SLC35F3: variants seen among roughly 807,000 people sequenced by gnomAD.
SLC35F3 encodes the protein solute carrier family 35 member F3.
In SLC35F3, 25 loss-of-function variants were observed where a neutral mutation model predicts 49.9. The observed-to-expected ratio is 0.50, with a 90% CI of 0.37 to 0.70. The LOEUF (loss-of-function observed/expected upper bound fraction) is 0.70. Ranked by LOEUF, SLC35F3 falls within the 30% of genes least tolerant of loss-of-function variation. The pLI is 0.00. For missense variants in SLC35F3, 525 were observed against 639.8 expected (o/e 0.82, Z 1.94); for synonymous variants, 275 against 265.4 (o/e 1.04, Z -0.35).
intron 2 of SLC35F3, among the ~76,000 whole-genome samples, chr1:234,117,908 A>C (rs1221393312): frequency 1.1e-5 from 1 of 89,924 alleles, no homozygotes; most frequent in Non-Finnish European, 2.1e-5. Context: ...AAAAAAGACT[A>C]TATATGTGTG....
intron 2 of SLC35F3, among the ~76,000 whole-genome samples, chr1:233,986,758 T>G (rs1663272084): frequency 6.6e-6 from 1 of 152,208 alleles, no homozygotes; most frequent in Non-Finnish European, 1.5e-5. Flanking sequence ...ACCATCTAGA[T>G]CATCTATTTC....
At chr1:234,028,891 G>A (rs1664016805) in intron 2 of SLC35F3, among the ~76,000 whole-genome samples, 2 of 152,176 alleles carry the variant, frequency 1.3e-5, no homozygotes. Flanking sequence ...TGGACAAGCT[G>A]CCATAGAGGG....
chr1:233,984,585 A>G (rs1332751992), intron 2 of SLC35F3, among the ~76,000 whole-genome samples: 1 of 152,246 alleles, frequency 6.6e-6, no homozygotes, highest in Non-Finnish European at 1.5e-5. Flanking sequence ...GGTAGACTCA[A>G]AGATTTTCTG....
At chr1:234,230,371 G>C (rs550085473) in intron 2 of SLC35F3, among the ~76,000 whole-genome samples, 4 of 152,072 alleles carry the variant, frequency 2.6e-5, no homozygotes, top group South Asian at 4.1e-4. Context: ...AAGCACGTTT[G>C]ACCCCAATAT....
At chr1:234,192,792 A>G (rs1450458823) in intron 2 of SLC35F3, among the ~76,000 whole-genome samples, 1 of 152,234 alleles carries the variant, frequency 6.6e-6, no homozygotes, top group African/African-American at 2.4e-5. Context: ...TGTGCTATAC[A>G]CCAACAGCGA....
chr1:234,033,007 C>T (rs1664085964), intron 2 of SLC35F3, among the ~76,000 whole-genome samples: 1 of 152,030 alleles, frequency 6.6e-6, no homozygotes, highest in South Asian at 2.1e-4. Context: ...TCCCTTTTCA[C>T]CACATTCATG....
intron 2 of SLC35F3, among the ~76,000 whole-genome samples, chr1:233,921,318 A>G (rs1265215249): frequency 6.6e-6 from 1 of 152,168 alleles, no homozygotes; most frequent in East Asian, 1.9e-4. Context: ...ACACATGCAC[A>G]GTCTCCCCCA....
At chr1:233,910,261 G>A (rs908633916) in intron 2 of SLC35F3, among the ~76,000 whole-genome samples, 8 of 152,210 alleles carry the variant, frequency 5.3e-5, no homozygotes, top group African/African-American at 9.6e-5. Context: ...GAGATGGCTA[G>A]AGAAGGGATG....
chr1:234,242,892 A>G (rs1014590188), intron 3 of SLC35F3, among the ~76,000 whole-genome samples: 3 of 152,232 alleles, frequency 2.0e-5, no homozygotes, highest in African/African-American at 7.2e-5. Flanking sequence ...GAAACACTAG[A>G]TAGCATTATT....
At chr1:234,271,971 C>T (rs1668114571) in intron 3 of SLC35F3, among the ~76,000 whole-genome samples, 1 of 152,166 alleles carries the variant, frequency 6.6e-6, no homozygotes, top group Non-Finnish European at 1.5e-5. Flanking sequence ...CAAAAAAATA[C>T]AAAAATTAGC....
intron 2 of SLC35F3, among the ~76,000 whole-genome samples, chr1:233,977,664 C>T (rs1663113071): frequency 1.3e-5 from 2 of 152,144 alleles, no homozygotes; most frequent in South Asian, 4.1e-4. Flanking sequence ...ATCCATGAAA[C>T]ATTTTGGCCA....
chr1:234,157,206 C>A (rs1250936242), intron 2 of SLC35F3, among the ~76,000 whole-genome samples: 1 of 152,206 alleles, frequency 6.6e-6, no homozygotes, highest in African/African-American at 2.4e-5. Context: ...TTTACCTCCT[C>A]CCTGCTACCA....
chr1:234,321,413 G>T lies in SLC35F3; in HGVS notation c.1237+1226G>T, dbSNP rs1008560999. Among the ~76,000 whole-genome samples the T allele has an allele frequency of 5.9e-5, 9 of 152,306 alleles. 1 individual carries two copies. The highest frequency in any genetic ancestry group is 5.9e-4 in the Admixed American group (9 of 15,306). On this transcript the variant is annotated intron_variant, in intron 7 of 7. Transcript: ENST00000366618. Reference sequence around the variant, plus strand: ...GATGTGACAACCAGATGAAATAACCGATGAGACAGCATTTCAAAATGCAGA... The same window carrying T: ...GATGTGACAACCAGATGAAATAACCTATGAGACAGCATTTCAAAATGCAGA...
intron 2 of SLC35F3, among the ~76,000 whole-genome samples, chr1:234,008,860 A>G (rs1341077266): frequency 1.3e-5 from 2 of 152,108 alleles, no homozygotes; most frequent in African/African-American, 4.8e-5. Context: ...ATGCTGCCTG[A>G]CTGACTTCTG....
chr1:234,033,648 G>A (rs550087919), intron 2 of SLC35F3, among the ~76,000 whole-genome samples: 1 of 152,266 alleles, frequency 6.6e-6, no homozygotes, highest in Admixed American at 6.5e-5. Context: ...TCGCTTTGTC[G>A]AAGATCAGTT....
At chr1:234,274,197 A>G (rs1356304733) in intron 3 of SLC35F3, 5 of 152,260 alleles carry the variant, frequency 3.3e-5, no homozygotes, top group African/African-American at 1.2e-4. Flanking sequence ...AAAAATCTTA[A>G]TTAAAAGACC....
chr1:234,157,480 C>A (rs1428761103), intron 2 of SLC35F3, among the ~76,000 whole-genome samples: 1 of 151,496 alleles, frequency 6.6e-6, no homozygotes, highest in Non-Finnish European at 1.5e-5. Flanking sequence ...TAACATATTT[C>A]CATATTAATA....
intron 2 of SLC35F3, among the ~76,000 whole-genome samples, chr1:233,971,529 A>G (rs6702481): frequency 0.41 from 62,685 of 151,902 alleles, 14,092 homozygotes; most frequent in East Asian, 0.77. Context: ...AGACCAGCCC[A>G]GCCAACATGG....
intron 2 of SLC35F3, among the ~76,000 whole-genome samples, chr1:234,188,132 T>C (rs1454610880): frequency 6.6e-6 from 1 of 151,000 alleles, no homozygotes; most frequent in Non-Finnish European, 1.5e-5. Context: ...AGCTACTTGG[T>C]AGGCTGAGGC....
Sources: allele counts gnomAD v4.1 joint callset (sites outside exome capture counted in the v4.1 genomes callset), GRCh38; gene constraint gnomAD v4.1.1; transcripts MANE v1.5; gene names NCBI Gene and HGNC (gene_info 2026-07-23, HGNC 2026-07-21).